The following DNAAF2 variants were observed in gnomAD, a reference collection of about 807,000 sequenced individuals.
DNAAF2 encodes protein kintoun.
In DNAAF2, 58 loss-of-function variants were observed where a neutral mutation model predicts 48.8. The ratio of observed to expected loss-of-function variants is 1.19; its 90% CI spans 0.96 to 1.48. The LOEUF is 1.48. DNAAF2 is among the 40% of genes most tolerant of loss of function. DNAAF2 has a pLI of 0.00. For synonymous variants in DNAAF2, 567 were observed against 481.2 expected, an observed-to-expected ratio of 1.18 and a Z score of -2.33; for missense variants, 1,241 against 1,116.1, an observed-to-expected ratio of 1.11 and a Z score of -1.59.
At chr14:49,630,660 ACT>A (rs1270240481) in intron 1 of DNAAF2, among the ~76,000 whole-genome samples, 2 of 96,774 alleles carry the variant, frequency 2.1e-5, no homozygotes, top group East Asian at 2.1e-4. Context: ...GCCCAAATAA[ACT>A]CTCTCTCCAC....
chr14:49,632,919 T>G (rs1265287069), intron 1 of DNAAF2, among the ~76,000 whole-genome samples: 1 of 152,082 alleles, frequency 6.6e-6, no homozygotes, highest in Non-Finnish European at 1.5e-5. Context: ...TAAGTTGTTT[T>G]TTTTTTTGTT....
At chr14:49,627,031 T>C (rs986828231) in intron 2 of DNAAF2, among the ~76,000 whole-genome samples, 19 of 151,918 alleles carry the variant, frequency 1.3e-4, no homozygotes, top group African/African-American at 4.3e-4. Context: ...CTCGAACTCC[T>C]GACCTCGGGT....
intron 1 of DNAAF2, among the ~76,000 whole-genome samples, chr14:49,631,549 C>T (rs941162611): frequency 4.6e-5 from 7 of 152,080 alleles, no homozygotes; most frequent in Non-Finnish European, 7.4e-5. Context: ...GGCGTGAACC[C>T]GGGAGGTGGA....
In DNAAF2 at chr14:49,625,907, G is replaced by C; in HGVS notation, c.2149C>G (p.Leu717Val). The change falls in exon 3 of 3, where the codon CTA becomes GTA. Residue 717 changes from leucine (L) to valine (V), a missense_variant. Transcript: ENST00000298292. ...ACTAAACCAAAGCTATCTATTTGTA[G>C]TGCTTTAACTGCTATAGATGAATCA... is the stretch of plus-strand genomic sequence containing the variant. ...DSDSSIAVKA[L>V]QIDSFGLVTC... 2 of 1,613,522 alleles carry C rather than the reference G, an allele frequency of 1.2e-6. No individual in the cohort carries two copies. Among genetic ancestry groups the C allele is most frequent in the Non-Finnish European group, 1.7e-6 (2 of 1,179,744 alleles).
intron 2 of DNAAF2, 38 bp from the exon 3 acceptor site, chr14:49,626,086 A>G (rs1882999124): frequency 7.3e-7 from 1 of 1,360,904 alleles, no homozygotes; most frequent in African/African-American, 1.5e-5. Flanking sequence ...AATTATTTTA[A>G]ATAATACAAA....
intron 1 of DNAAF2, 66 bp downstream of exon 1, chr14:49,633,221 G>A (rs1384270037): frequency 1.3e-6 from 2 of 1,576,334 alleles, no homozygotes; most frequent in East Asian, 4.5e-5. Flanking sequence ...CGCCCGGCCG[G>A]TAATAGCAAA....
chr14:49,632,030 G>C (rs1465423090), intron 1 of DNAAF2, among the ~76,000 whole-genome samples: 1 of 152,170 alleles, frequency 6.6e-6, no homozygotes, highest in African/African-American at 2.4e-5. Flanking sequence ...ATAAAATACA[G>C]TTGCCCTAAT....
chr14:49,630,577 G>C (rs1883124753), intron 1 of DNAAF2, among the ~76,000 whole-genome samples: 1 of 151,544 alleles, frequency 6.6e-6, no homozygotes, highest in South Asian at 2.1e-4. Flanking sequence ...CAAGTTTCAA[G>C]TTTCTTGAAC....
chr14:49,633,645 C>G lies in DNAAF2; in HGVS notation c.1505G>C (p.Gly502Ala). 6.2e-7 allele frequency: 1 copy of G among 1,612,736 alleles called. No homozygotes were observed. The highest frequency in any genetic ancestry group is 8.5e-7 in the Non-Finnish European group (1 of 1,179,180). Residue 502 changes from glycine to alanine, a missense_variant, in exon 1 of 3, where the codon GGC becomes GCC. Physicochemically the swap from Gly to Ala is moderately conservative, Grantham distance 60. Transcript: ENST00000298292. ...CATGGCGCAGGCTGAGCGCTGGCCG[C>G]CCGTGCCCTCCGACTCCTCGCGTGT... ...VETREESEGT[G>A]GQRSACAMGG...
chr14:49,629,936 T>G (rs1209030707), intron 1 of DNAAF2: 1 of 151,744 alleles, frequency 6.6e-6, no homozygotes, highest in Non-Finnish European at 1.5e-5. Context: ...AAAAGTAAAT[T>G]ATGAAAAAAA....
Position 49,628,089 on chromosome 14 carries a change from T to C in DNAAF2, c.1930A>G (p.Lys644Glu). The C allele has an allele frequency of 6.3e-7, 1 of 1,590,462 alleles. No homozygotes were observed. Among genetic ancestry groups the C allele is most frequent in the South Asian group, 1.1e-5 (1 of 87,498 alleles). The change falls in exon 2 of 3, where the codon AAA becomes GAA. Residue 644 changes from lysine (K) to glutamate (E), a missense_variant. Coordinates refer to ENST00000298292, the MANE Select transcript of DNAAF2 (RefSeq NM_018139.3). ...FLEEVLSSPF[K>E]QSMSLTPPLI... ...GGTGGGGTCAAGGACATAGACTGTT[T>C]GAATGGAGAGCTCAGGACCTCTTCA...
At chr14:49,628,979 T>C (rs1008487432) in intron 1 of DNAAF2, among the ~76,000 whole-genome samples, 2 of 152,092 alleles carry the variant, frequency 1.3e-5, no homozygotes, top group Admixed American at 1.3e-4. Flanking sequence ...GATTTTGTTT[T>C]TGAGACAGAG....
Position 49,625,660 on chromosome 14 carries a change from G to A in DNAAF2, c.2396C>T (p.Pro799Leu), listed in dbSNP as rs1882983462. The A allele has an allele frequency of 6.2e-7, 1 of 1,613,674 alleles. No homozygotes were observed. Among genetic ancestry groups the A allele is most frequent in the Non-Finnish European group, 8.5e-7 (1 of 1,179,758 alleles). ...LLNKTTVHNI[P>L]GFDSIKETNM... ...GGTTTCTTTTATGCTGTCGAATCCA[G>A]GTATATTGTGAACCGTAGTTTTGTT... The change falls in exon 3 of 3, where the codon CCT (proline) becomes CTT (leucine). Residue 799 changes from proline (P) to leucine (L), a missense_variant. Physicochemically the swap from Pro to Leu is moderately conservative, Grantham distance 98. Coordinates refer to ENST00000298292, the MANE Select transcript of DNAAF2 (RefSeq NM_018139.3).
chr14:49,627,732 G>A (rs1278818869), intron 2 of DNAAF2, among the ~76,000 whole-genome samples: 1 of 151,910 alleles, frequency 6.6e-6, no homozygotes, highest in Non-Finnish European at 1.5e-5. Context: ...GCATGCTCCT[G>A]TAGTCCCAGC....
At position 49,625,384 on chromosome 14, in the gene DNAAF2, T is replaced by C. The variant is rs1882973537; in HGVS notation, c.*158A>G. On this transcript the variant is annotated 3_prime_UTR_variant, in exon 3 of 3. Coordinates refer to ENST00000298292, the MANE Select transcript of DNAAF2 (RefSeq NM_018139.3). Reference sequence around the variant, plus strand: ...CAAAAAAAAAAAAATTATCTCCAATTTCCCCCATGAGAATCAAAATTGCAA... The same window carrying C: ...CAAAAAAAAAAAAATTATCTCCAATCTCCCCCATGAGAATCAAAATTGCAA... 4.4e-6 allele frequency: 2 copies of C among 454,042 alleles called. No homozygotes were observed. The highest frequency in any genetic ancestry group is 7.5e-5 in the East Asian group (2 of 26,602). The allele number at this position is 454,042 out of a possible 1,614,324, so 28.1% of individuals were successfully genotyped here.
At chr14:49,630,075 A>G (rs1883113256) in intron 1 of DNAAF2, among the ~76,000 whole-genome samples, 1 of 152,026 alleles carries the variant, frequency 6.6e-6, no homozygotes, top group African/African-American at 2.4e-5. Flanking sequence ...TACAAAAAAT[A>G]CAAAAATTAG....
chr14:49,634,528 C>A lies in DNAAF2; in HGVS notation c.622G>T (p.Val208Phe). 6.2e-7 allele frequency: 1 copy of A among 1,601,848 alleles called. No individual in the cohort carries two copies. The highest frequency in any genetic ancestry group is 8.5e-7 in the Non-Finnish European group (1 of 1,179,448). ...TCCCCGTCAGGCCTTGCGGGGATGACCCCGGGCAGGGGCGTGCGCAGCACC... is the reference window on the plus strand; with the variant it reads ...TCCCCGTCAGGCCTTGCGGGGATGAACCCGGGCAGGGGCGTGCGCAGCACC... The part of the protein sequence containing the change: ...AAVLRTPLPG[V>F]IPARPDGEPK... The change falls in exon 1 of 3, where the codon GTC becomes TTC. Residue 208 changes from valine to phenylalanine, a missense_variant. Transcript: ENST00000298292.
chr14:49,634,691 C>T lies in DNAAF2; in HGVS notation c.459G>A (p.Leu153=). ...DVVFHPDALA[L]ARRHEGFRQM... ...GGCGGAAGCCCTCGTGCCGCCGGGCCAGCGCAAGCGCGTCTGGATGGAAGA... is the reference window on the plus strand; with the variant it reads ...GGCGGAAGCCCTCGTGCCGCCGGGCTAGCGCAAGCGCGTCTGGATGGAAGA... Residue 153 remains leucine, a synonymous_variant, in exon 1 of 3, where the codon CTG becomes CTA. Coordinates refer to ENST00000298292, the MANE Select transcript of DNAAF2 (RefSeq NM_018139.3). 6.2e-7 allele frequency: 1 copy of T among 1,606,248 alleles called. No homozygotes were observed. Among genetic ancestry groups the T allele is most frequent in the Non-Finnish European group, 8.5e-7 (1 of 1,179,680 alleles).
intron 1 of DNAAF2, chr14:49,629,396 GCCC>G (rs1240781773): frequency 6.6e-6 from 1 of 152,180 alleles, no homozygotes; most frequent in Non-Finnish European, 1.5e-5. Context: ...CTCCACCTGT[GCCC>G]CCAAGTGCCT....
Sources: allele counts gnomAD v4.1 joint callset (sites outside exome capture counted in the v4.1 genomes callset), GRCh38; gene constraint gnomAD v4.1.1; transcripts MANE v1.5; gene names NCBI Gene and HGNC (gene_info 2026-07-23, HGNC 2026-07-21).